The following ERBB4 variants were observed in gnomAD, a reference collection of about 807,000 sequenced individuals.
The protein encoded by ERBB4 is receptor tyrosine-protein kinase erbB-4.
In ERBB4, 42 loss-of-function variants were observed where a neutral mutation model predicts 158.0. The observed-to-expected ratio is 0.27, with a 90% CI of 0.21 to 0.34. The LOEUF is 0.34. Among genes scored for constraint, ERBB4 ranks in the 10% least tolerant of loss-of-function variants. The probability of loss-of-function intolerance (pLI) is 1.00; values close to 1 mark genes in which losing one functional copy is unlikely to be tolerated. For missense variants in ERBB4, 1,333 were observed against 1,624.1 expected, an observed-to-expected ratio of 0.82 and a Z score of 3.08; for synonymous variants, 583 against 558.7, an observed-to-expected ratio of 1.04 and a Z score of -0.61.
In ERBB4 at chr2:212,063,168, C is replaced by A. The variant is rs540222775; in HGVS notation, c.234+61584G>T. ...CAAACCAGGAAGTTAGGTATCAAAT[C>A]TAATAATTTTTACCATTTTACTTTA... is the stretch of plus-strand genomic sequence containing the variant. On this transcript the variant is annotated intron_variant, in intron 2 of 27. Coordinates refer to ENST00000342788, the MANE Select transcript of ERBB4 (RefSeq NM_005235.3). Among the ~76,000 whole-genome samples, 6 of 152,102 alleles carry A rather than the reference C, an allele frequency of 3.9e-5. No homozygotes were observed. The South Asian group carries it at 1.2e-3, about 32-fold the overall frequency.
intron 5 of ERBB4, among the ~76,000 whole-genome samples, chr2:211,743,845 A>G (rs1254311185): frequency 6.6e-6 from 1 of 152,190 alleles, no homozygotes; most frequent in Non-Finnish European, 1.5e-5. Flanking sequence ...CTCCACATGT[A>G]ACGTAGCTCT....
intron 1 of ERBB4, among the ~76,000 whole-genome samples, chr2:212,509,441 C>T (rs1286001416): frequency 6.6e-6 from 1 of 151,798 alleles, no homozygotes; most frequent in African/African-American, 2.4e-5. Context: ...TTTCAAATAC[C>T]CTCCTCAGCC....
rs76405527 is a variant in ERBB4 at position 211,930,643 on chromosome 2, C to T, written c.421+16787G>A. The stretch of plus-strand genomic sequence containing the variant: ...ATTGAGCTACTGAAAACACTATCAG[C>T]GATAGCCTACCCTTTCTTTAGAAGT... On this transcript the variant is annotated intron_variant, in intron 3 of 27. Coordinates refer to ENST00000342788, the MANE Select transcript of ERBB4 (RefSeq NM_005235.3). Among the ~76,000 whole-genome samples the T allele has an allele frequency of 3.5e-3, 533 of 152,202 alleles. 1 individual carries two copies. The highest frequency in any genetic ancestry group is 0.01 in the Middle Eastern group (3 of 294).
At chr2:212,233,313 T>C (rs1474582034) in intron 1 of ERBB4, among the ~76,000 whole-genome samples, 1 of 152,114 alleles carries the variant, frequency 6.6e-6, no homozygotes, top group Admixed American at 6.5e-5. Flanking sequence ...AAGACTTATG[T>C]GGTGAGGTAG....
intron 1 of ERBB4, among the ~76,000 whole-genome samples, chr2:212,303,457 T>G (rs2086695540): frequency 6.8e-6 from 1 of 147,132 alleles, no homozygotes; most frequent in Non-Finnish European, 1.5e-5. Context: ...TACTGATATT[T>G]GATCCTTGTA....
rs1321957005 is a variant in ERBB4 at position 211,562,005 on chromosome 2, A to C, written c.2385T>G (p.Val795=). ...GGCAGCCATGGGGCATAAGTTGAGT[A>C]ACCAGCTGGATGGTTGGGCTCAGAC... ...GVCLSPTIQL[V]TQLMPHGCLL... Residue 795 remains valine, a synonymous_variant, in exon 20 of 28, where the codon GTT becomes GTG. Coordinates refer to ENST00000342788, the MANE Select transcript of ERBB4 (RefSeq NM_005235.3). 6.2e-6 allele frequency: 10 copies of C among 1,614,042 alleles called. No individual in the cohort carries two copies. Among genetic ancestry groups the C allele is most frequent in the Non-Finnish European group, 8.5e-6 (10 of 1,180,022 alleles).
intron 1 of ERBB4, among the ~76,000 whole-genome samples, chr2:212,138,038 C>T (rs977841665): frequency 6.6e-6 from 1 of 152,132 alleles, no homozygotes; most frequent in African/African-American, 2.4e-5. Flanking sequence ...AGATTTATAA[C>T]ATTTTACATT....
At chr2:212,391,736 AT>A (rs1369454294) in intron 1 of ERBB4, among the ~76,000 whole-genome samples, 8 of 131,272 alleles carry the variant, frequency 6.1e-5, no homozygotes, top group East Asian at 5.9e-4. Context: ...TATATATGAC[AT>A]ATATATTATA....
At chr2:211,537,005 C>A (rs959748599) in intron 20 of ERBB4, among the ~76,000 whole-genome samples, 29 of 151,932 alleles carry the variant, frequency 1.9e-4, no homozygotes, top group African/African-American at 6.0e-4. Flanking sequence ...TTTCTTTATT[C>A]CTTGGTTGCA....
At chr2:212,040,885 C>A (rs762700007) in intron 2 of ERBB4, among the ~76,000 whole-genome samples, 4 of 152,120 alleles carry the variant, frequency 2.6e-5, no homozygotes, top group African/African-American at 7.2e-5. Context: ...TTCTGCCTAT[C>A]TAGACCCTAT....
chr2:212,030,071 A>G (rs973339794), intron 2 of ERBB4, among the ~76,000 whole-genome samples: 12 of 152,292 alleles, frequency 7.9e-5, no homozygotes, highest in Non-Finnish European at 1.3e-4. Context: ...TCCTGACTAC[A>G]GGTGGTATCA....
intron 1 of ERBB4, among the ~76,000 whole-genome samples, chr2:212,146,334 G>C (rs533050275): frequency 1.3e-5 from 2 of 152,202 alleles, no homozygotes; most frequent in East Asian, 3.9e-4. Context: ...GCCTTTTGCC[G>C]ATGTCACCCT....
chr2:212,296,049 T>G (rs6721920), intron 1 of ERBB4, among the ~76,000 whole-genome samples: 1 of 151,842 alleles, frequency 6.6e-6, no homozygotes. Flanking sequence ...TCTGTTGTCT[T>G]TCTGTAAGAA....
intron 20 of ERBB4, among the ~76,000 whole-genome samples, chr2:211,541,751 A>AAT (rs1252986544): frequency 2.6e-5 from 4 of 152,014 alleles, no homozygotes; most frequent in Admixed American, 1.3e-4. Flanking sequence ...ACATTTCATC[A>AAT]GTGCTATCAT....
chr2:212,257,090 T>C (rs1443140397), intron 1 of ERBB4, among the ~76,000 whole-genome samples: 1 of 152,158 alleles, frequency 6.6e-6, no homozygotes, highest in Non-Finnish European at 1.5e-5. Context: ...GTGTTTATTG[T>C]TCCCAACTTT....
intron 1 of ERBB4, among the ~76,000 whole-genome samples, chr2:212,180,282 T>C (rs1036535772): frequency 3.3e-5 from 5 of 151,698 alleles, no homozygotes; most frequent in African/African-American, 1.2e-4. Flanking sequence ...TGTGATATCC[T>C]GTCAATTCGG....
intron 20 of ERBB4, among the ~76,000 whole-genome samples, chr2:211,436,988 T>A (rs2063869007): frequency 6.6e-6 from 1 of 152,170 alleles, no homozygotes; most frequent in African/African-American, 2.4e-5. Context: ...TAATAATGCT[T>A]TCTATGGGTT....
intron 9 of ERBB4, among the ~76,000 whole-genome samples, chr2:211,709,254 C>CAT (rs200613120): frequency 1.5e-4 from 15 of 101,536 alleles, no homozygotes; most frequent in East Asian, 6.8e-4. Context: ...TATATATACA[C>CAT]ATATATATAT....
intron 1 of ERBB4, among the ~76,000 whole-genome samples, chr2:212,216,523 T>C (rs1215081616): frequency 6.6e-6 from 1 of 151,426 alleles, no homozygotes; most frequent in Non-Finnish European, 1.5e-5. Flanking sequence ...AATCAATTAA[T>C]GTAACCTGTT....
Sources: gnomAD v4.1 joint callset for allele counts (sites outside exome capture counted in the v4.1 genomes callset) on GRCh38, gnomAD v4.1.1 for gene constraint, MANE v1.5 for transcripts, NCBI Gene and HGNC (gene_info 2026-07-23, HGNC 2026-07-21) for gene names.